Variants in LINC00305 observed in about 807,000 individuals in gnomAD.
The protein encoded by LINC00305 is long intergenic non-protein coding RNA 305.
intron 3 of LINC00305, among the ~76,000 whole-genome samples, chr18:64,083,622 A>T (rs778960122): frequency 2.8e-4 from 42 of 152,308 alleles, no homozygotes; most frequent in Non-Finnish European, 4.0e-4. Flanking sequence ...TGACGTGCAC[A>T]TGGGAACTCA....
At chr18:64,125,795 TGGGA>T (rs1342431120) in intron 1 of LINC00305, among the ~76,000 whole-genome samples, 1 of 152,060 alleles carries the variant, frequency 6.6e-6, no homozygotes, top group Admixed American at 6.6e-5. Context: ...TGGGGCCTAA[TGGGA>T]GGTGATTAGG....
At chr18:64,111,681 A>G (rs1464247644) in intron 1 of LINC00305, among the ~76,000 whole-genome samples, 4 of 152,238 alleles carry the variant, frequency 2.6e-5, no homozygotes, top group African/African-American at 7.2e-5. Flanking sequence ...TGGGAGTAGA[A>G]CCAGGTGGTG....
At chr18:64,099,631 A>G (rs1444945496) in intron 1 of LINC00305, among the ~76,000 whole-genome samples, 2 of 152,200 alleles carry the variant, frequency 1.3e-5, no homozygotes, top group Non-Finnish European at 2.9e-5. Flanking sequence ...AGGATTTCAC[A>G]GAGGATTTAA....
chr18:64,087,646 A>G (rs1423116480), intron 3 of LINC00305, among the ~76,000 whole-genome samples: 1 of 152,168 alleles, frequency 6.6e-6, no homozygotes, highest in Non-Finnish European at 1.5e-5. Context: ...TATATAGGGA[A>G]CATTCTGGGG....
At chr18:64,093,049 T>C (rs2051231101) in intron 3 of LINC00305, among the ~76,000 whole-genome samples, 1 of 152,206 alleles carries the variant, frequency 6.6e-6, no homozygotes. Flanking sequence ...ACCAATGCTT[T>C]CGGAAAATAT....
intron 3 of LINC00305, among the ~76,000 whole-genome samples, chr18:64,083,421 T>A (rs2051192020): frequency 6.6e-6 from 1 of 152,258 alleles, no homozygotes. Flanking sequence ...TCCTAAGTTC[T>A]CATACCGTGT....
At chr18:64,095,214 A>G (rs2051240679) in intron 3 of LINC00305, among the ~76,000 whole-genome samples, 1 of 152,130 alleles carries the variant, frequency 6.6e-6, no homozygotes, top group Admixed American at 6.6e-5. Flanking sequence ...CACAGGGACA[A>G]TCCTCCTACT....
intron 1 of LINC00305, among the ~76,000 whole-genome samples, chr18:64,134,937 T>G (rs1450411959): frequency 6.6e-6 from 1 of 152,210 alleles, no homozygotes; most frequent in South Asian, 2.1e-4. Flanking sequence ...AGATAATGTC[T>G]GCATTCGTTT....
chr18:64,097,718 A>G (rs987551601), intron 3 of LINC00305: 2 of 359,550 alleles, frequency 5.6e-6, no homozygotes, highest in African/African-American at 2.1e-5. Context: ...GCACTCTATT[A>G]TCAGAAGTAA....
Position 64,130,897 on chromosome 18 carries a change from C to T in LINC00305, n.314+17878G>A, listed in dbSNP as rs764199534. On this transcript the variant is annotated intron_variant and non_coding_transcript_variant, in intron 1 of 3. Coordinates refer to ENST00000666468, the Ensembl canonical transcript of LINC00305. ...GATAAACTTGGAGAGGTAGGGGAGA[C>T]GCTATTGTGAAAGACCTTTCATACC... is the stretch of plus-strand genomic sequence containing the variant. Among the ~76,000 whole-genome samples, 4 of 152,026 alleles carry T rather than the reference C, an allele frequency of 2.6e-5. No homozygotes were observed. In the South Asian group the frequency reaches 6.2e-4, roughly 24 times the overall value.
At chr18:64,122,387 T>C (rs2144260146) in intron 1 of LINC00305, among the ~76,000 whole-genome samples, 1 of 152,252 alleles carries the variant, frequency 6.6e-6, no homozygotes, top group South Asian at 2.1e-4. Context: ...GGGGTTCAGT[T>C]TCACTTTTCT....
chr18:64,144,534 A>AT (rs2051487616), intron 1 of LINC00305, among the ~76,000 whole-genome samples: 1 of 151,936 alleles, frequency 6.6e-6, no homozygotes, highest in Non-Finnish European at 1.5e-5. Context: ...TTGAGACGGA[A>AT]TTTTGCTTTT....
chr18:64,083,706 G>T (rs375284634), intron 3 of LINC00305, among the ~76,000 whole-genome samples: 1 of 152,128 alleles, frequency 6.6e-6, no homozygotes, highest in South Asian at 2.1e-4. Flanking sequence ...AGTAGAGCAT[G>T]AGTGGATCCT....
At chr18:64,111,603 A>G (rs895361726) in intron 1 of LINC00305, among the ~76,000 whole-genome samples, 15 of 151,876 alleles carry the variant, frequency 9.9e-5, no homozygotes, top group Non-Finnish European at 2.1e-4. Flanking sequence ...ATTCCAAAGT[A>G]GAACACAAGT....
At chr18:64,095,933 A>G (rs1472538282) in intron 3 of LINC00305, among the ~76,000 whole-genome samples, 1 of 152,194 alleles carries the variant, frequency 6.6e-6, no homozygotes, top group Non-Finnish European at 1.5e-5. Context: ...TTATGAAAAG[A>G]AACAAAAATT....
At chr18:64,147,384 T>A (rs191168434) in intron 1 of LINC00305, 1 of 152,326 alleles carries the variant, frequency 6.6e-6, no homozygotes, top group East Asian at 1.9e-4. Context: ...AGTTAAAGTA[T>A]TGAATACATT....
intron 1 of LINC00305, among the ~76,000 whole-genome samples, chr18:64,121,389 C>T (rs1473770831): frequency 6.6e-6 from 1 of 152,008 alleles, no homozygotes; most frequent in Non-Finnish European, 1.5e-5. Flanking sequence ...ATTTGACACT[C>T]TACACCTTTG....
chr18:64,134,721 C>T (rs995478910), intron 1 of LINC00305, among the ~76,000 whole-genome samples: 2 of 152,160 alleles, frequency 1.3e-5, no homozygotes, highest in African/African-American at 4.8e-5. Context: ...TTATTATTAT[C>T]ATTGTAATAT....
intron 1 of LINC00305, among the ~76,000 whole-genome samples, chr18:64,100,559 G>A (rs2051264264): frequency 6.6e-6 from 1 of 152,100 alleles, no homozygotes. Context: ...ACATCCCTAG[G>A]CAAGTGAGTG....
Sources: allele counts gnomAD v4.1 joint callset (sites outside exome capture counted in the v4.1 genomes callset), GRCh38; gene constraint gnomAD v4.1.1; transcripts MANE v1.5; gene names NCBI Gene and HGNC (gene_info 2026-07-23, HGNC 2026-07-21).